Variants in MKLN1 observed in about 807,000 individuals in gnomAD.
The protein encoded by MKLN1 is muskelin 1, also known as muskelin.
In MKLN1, 18 loss-of-function variants were observed where a neutral mutation model predicts 99.0. That is an observed-to-expected ratio of 0.18 (90% CI 0.13 to 0.27). MKLN1 has a LOEUF of 0.27. Among genes scored for constraint, MKLN1 ranks in the 10% least tolerant of loss-of-function variants. The pLI is 1.00. For synonymous variants in MKLN1, 288 were observed against 293.2 expected (o/e 0.98, Z 0.18); for missense variants, 621 against 875.9 (o/e 0.71, Z 3.67).
intron 17 of MKLN1, 86 bp downstream of exon 17, chr7:131,478,763 T>A: frequency 7.1e-7 from 1 of 1,416,764 alleles, no homozygotes; most frequent in Non-Finnish European, 9.9e-7. Context: ...AAACATCAGG[T>A]GAGATGTTTC....
intron 3 of MKLN1, among the ~76,000 whole-genome samples, chr7:131,227,360 CTCTTTCTT>C (rs1013875671): frequency 6.6e-6 from 1 of 150,762 alleles, no homozygotes; most frequent in Non-Finnish European, 1.5e-5. Context: ...TTCCTTCTCT[CTCTTTCTT>C]TCTTTTTCTT....
chr7:131,231,348 G>A (rs937214571), intron 3 of MKLN1, among the ~76,000 whole-genome samples: 74 of 151,970 alleles, frequency 4.9e-4, no homozygotes, highest in African/African-American at 1.2e-3. Context: ...CCCAATTCTC[G>A]TTTCTTCCCC....
chr7:131,358,587 G>C (rs1173566358), intron 1 of MKLN1, among the ~76,000 whole-genome samples: 1 of 152,108 alleles, frequency 6.6e-6, no homozygotes, highest in African/African-American at 2.4e-5. Context: ...TTTTCTGAAA[G>C]ACATTCTAGA....
chr7:131,291,566 A>G (rs1407346267), intron 3 of MKLN1, among the ~76,000 whole-genome samples: 4 of 117,598 alleles, frequency 3.4e-5, no homozygotes, highest in Non-Finnish European at 6.8e-5. Flanking sequence ...AACACAGAAT[A>G]CAGCTTTCAT....
intron 2 of MKLN1, among the ~76,000 whole-genome samples, chr7:131,149,115 G>A (rs12534322): frequency 0.56 from 84,397 of 151,954 alleles, 24,545 homozygotes; most frequent in Non-Finnish European, 0.64. Flanking sequence ...CTTGGTTTTT[G>A]GCATTTTGTT....
intron 1 of MKLN1, 85 bp from the exon 2 acceptor site, chr7:131,375,339 T>C (rs1793608766): frequency 4.7e-6 from 4 of 845,536 alleles, no homozygotes; most frequent in Non-Finnish European, 8.1e-6. Flanking sequence ...TTACATAACT[T>C]TATGATAATT....
chr7:131,246,243 T>C (rs1797486999), intron 3 of MKLN1, among the ~76,000 whole-genome samples: 1 of 152,222 alleles, frequency 6.6e-6, no homozygotes, highest in African/African-American at 2.4e-5. Context: ...CCCTGCCTTG[T>C]CGGCTGCTGA....
At chr7:131,466,892 T>C (rs1024899625) in intron 15 of MKLN1, among the ~76,000 whole-genome samples, 48 of 150,550 alleles carry the variant, frequency 3.2e-4, no homozygotes, top group African/African-American at 1.2e-3. Flanking sequence ...AACATTTTCA[T>C]ATATATACAT....
chr7:131,475,827 AAAAT>A (rs1313282306), intron 16 of MKLN1, among the ~76,000 whole-genome samples: 2 of 152,186 alleles, frequency 1.3e-5, no homozygotes, highest in African/African-American at 2.4e-5. Flanking sequence ...AAATTAGAAT[AAAAT>A]AAAATCCCAA....
At chr7:131,382,956 C>T (rs1793897254) in intron 2 of MKLN1, among the ~76,000 whole-genome samples, 1 of 152,104 alleles carries the variant, frequency 6.6e-6, no homozygotes, top group African/African-American at 2.4e-5. Context: ...ATCTCTTGAC[C>T]TCGTGATCGA....
intron 3 of MKLN1, among the ~76,000 whole-genome samples, chr7:131,203,461 T>C (rs1411869441): frequency 6.6e-6 from 1 of 152,112 alleles, no homozygotes; most frequent in East Asian, 1.9e-4. Flanking sequence ...AAAAATATTT[T>C]TGTGCTGCGG....
chr7:131,190,825 G>A (rs1222151462), intron 2 of MKLN1, among the ~76,000 whole-genome samples: 1 of 152,126 alleles, frequency 6.6e-6, no homozygotes, highest in East Asian at 1.9e-4. Flanking sequence ...GACTGGTAGT[G>A]GAAAATGGAT....
intron 17 of MKLN1, among the ~76,000 whole-genome samples, chr7:131,483,263 A>G (rs190155298): frequency 5.3e-5 from 8 of 152,298 alleles, no homozygotes; most frequent in African/African-American, 1.9e-4. Flanking sequence ...AGAAAAAAAC[A>G]TTGATTACAT....
chr7:131,277,695 C>T (rs529080217), intron 3 of MKLN1, among the ~76,000 whole-genome samples: 9 of 152,070 alleles, frequency 5.9e-5, no homozygotes, highest in Non-Finnish European at 1.3e-4. Flanking sequence ...GGACTACAGG[C>T]GTGAGCCATG....
At position 131,233,061 on chromosome 7, in the gene MKLN1, C is replaced by T. The variant is rs548851448; in HGVS notation, c.-179+30087C>T. ...GTTTAATTCAAAACGAAGTTTAGAC[C>T]GGGCATGGTGGCTCTTGCCTGTAAT... On this transcript the variant is annotated intron_variant, in intron 3 of 7. Coordinates refer to the MKLN1 transcript ENST00000416992. Among the ~76,000 whole-genome samples, 163 of 152,010 alleles carry T rather than the reference C, an allele frequency of 1.1e-3. 1 individual carries two copies. Among genetic ancestry groups the T allele is most frequent in the African/African-American group, 3.7e-3 (154 of 41,456 alleles).
chr7:131,154,620 C>T (rs1284700522), intron 2 of MKLN1, among the ~76,000 whole-genome samples: 2 of 152,084 alleles, frequency 1.3e-5, no homozygotes, highest in Admixed American at 6.6e-5. Flanking sequence ...GCAATGAGCA[C>T]TCTTGTTATC....
intron 8 of MKLN1, among the ~76,000 whole-genome samples, chr7:131,419,960 C>T (rs755709689): frequency 6.6e-6 from 1 of 152,050 alleles, no homozygotes; most frequent in Non-Finnish European, 1.5e-5. Context: ...TGAAGGGCAG[C>T]GAGTCCTTTA....
intron 3 of MKLN1, among the ~76,000 whole-genome samples, chr7:131,218,716 A>G (rs73151595): frequency 0.027 from 4,065 of 152,330 alleles, 78 homozygotes; most frequent in Non-Finnish European, 0.042. Context: ...CCTTGGGAAC[A>G]TGATGCCGAG....
intron 3 of MKLN1, among the ~76,000 whole-genome samples, chr7:131,309,459 G>C (rs1227221609): frequency 6.6e-6 from 1 of 151,862 alleles, no homozygotes; most frequent in Non-Finnish European, 1.5e-5. Context: ...GGAGTGCAAT[G>C]GTGTGATCTT....
Sources: gnomAD v4.1 joint callset for allele counts (sites outside exome capture counted in the v4.1 genomes callset) on GRCh38, gnomAD v4.1.1 for gene constraint, MANE v1.5 for transcripts, NCBI Gene and HGNC (gene_info 2026-07-23, HGNC 2026-07-21) for gene names.